The following NBEA variants were observed in gnomAD, a reference collection of about 807,000 sequenced individuals.
NBEA encodes lysosomal-trafficking regulator 2.
Under a neutral mutation model 343.4 loss-of-function variants are expected in NBEA, and 44 were observed. The observed-to-expected ratio is 0.13, with a 90% confidence interval of 0.10 to 0.16. The LOEUF (loss-of-function observed/expected upper bound fraction) is 0.16. Ranked by LOEUF, NBEA falls within the 10% of genes least tolerant of loss-of-function variation. NBEA has a pLI of 1.00. For synonymous variants in NBEA, 1,175 were observed against 1,238.7 expected (o/e 0.95, Z 1.08); for missense variants, 2,555 against 3,631.3 (o/e 0.70, Z 7.62).
rs530442539 is a variant in NBEA at position 35,347,310 on chromosome 13, CA to C, written c.5904-1790del. 1.9e-3 allele frequency among the ~76,000 whole-genome samples: 287 copies of C among 150,044 alleles called. 1 individual carries two copies. The highest frequency in any genetic ancestry group is 5.4e-3 in the African/African-American group (221 of 40,902). On this transcript the variant is annotated intron_variant, in intron 36 of 58. Transcript: ENST00000379939. ...TGATTTATATTTATGAAAACTTGAG[CA>C]AAAAAAAGTTGATATATTTCATTAA...
intron 33 of NBEA, among the ~76,000 whole-genome samples, chr13:35,229,007 C>G (rs1030483502): frequency 6.6e-6 from 1 of 152,016 alleles, no homozygotes; most frequent in African/African-American, 2.4e-5. Flanking sequence ...CATAAAATGT[C>G]TTAGACTAAA....
At chr13:34,996,546 T>C (rs17051794) in intron 1 of NBEA, among the ~76,000 whole-genome samples, 2,398 of 152,186 alleles carry the variant, frequency 0.016, 65 homozygotes, top group African/African-American at 0.049. Context: ...TTTTTAGAAG[T>C]GATTTATAGT....
chr13:35,405,332 G>A (rs1237938059), intron 38 of NBEA, among the ~76,000 whole-genome samples: 1 of 152,116 alleles, frequency 6.6e-6, no homozygotes, highest in African/African-American at 2.4e-5. Flanking sequence ...TGGCAGGGCT[G>A]GGATTTGAAC....
rs181830103 is a variant in NBEA, at chr13:35,489,013, T to A, written c.6585+16477T>A. Reference sequence around the variant, plus strand: ...TATGTCTGTATGGGTGGCAAAAAAATTGCATTAACTTTTTTGTGTTAAAGC... The same window carrying A: ...TATGTCTGTATGGGTGGCAAAAAAAATGCATTAACTTTTTTGTGTTAAAGC... On this transcript the variant is annotated intron_variant, in intron 41 of 58. Coordinates refer to ENST00000379939, the MANE Select transcript of NBEA (RefSeq NM_001385012.1). Among the ~76,000 whole-genome samples the A allele has an allele frequency of 3.9e-5, 6 of 151,900 alleles. 1 individual carries two copies. The highest frequency in any genetic ancestry group is 3.9e-4 in the Admixed American group (6 of 15,222).
intron 34 of NBEA, among the ~76,000 whole-genome samples, chr13:35,265,784 A>G (rs1038309873): frequency 6.6e-5 from 10 of 151,938 alleles, no homozygotes; most frequent in African/African-American, 2.4e-4. Context: ...AGAAATCTCC[A>G]TGACATTGGT....
intron 40 of NBEA, among the ~76,000 whole-genome samples, chr13:35,468,487 C>T (rs1354530225): frequency 6.6e-6 from 1 of 152,180 alleles, no homozygotes; most frequent in Non-Finnish European, 1.5e-5. Context: ...TCTTCCTTCC[C>T]TCTAGATAAG....
intron 41 of NBEA, among the ~76,000 whole-genome samples, chr13:35,496,583 A>G (rs2076685815): frequency 6.7e-6 from 1 of 149,164 alleles, no homozygotes; most frequent in African/African-American, 2.5e-5. Flanking sequence ...GCAGTGAGCG[A>G]TATTGTCACC....
At chr13:35,293,678 G>A (rs560842842) in intron 35 of NBEA, among the ~76,000 whole-genome samples, 1 of 152,002 alleles carries the variant, frequency 6.6e-6, no homozygotes, top group Admixed American at 6.6e-5. Context: ...TATTTTTACT[G>A]TATTGTGCTC....
At chr13:35,366,559 A>G (rs944460302) in intron 38 of NBEA, among the ~76,000 whole-genome samples, 2 of 151,206 alleles carry the variant, frequency 1.3e-5, no homozygotes, top group African/African-American at 4.8e-5. Flanking sequence ...TTTATTTTAC[A>G]TTGTGTTTTT....
At chr13:35,476,237 G>C in intron 41 of NBEA, 1 of 1,570,080 alleles carries the variant, frequency 6.4e-7, no homozygotes, top group Non-Finnish European at 8.8e-7. Flanking sequence ...GGAGAAACGG[G>C]CCGCAACACT....
chr13:35,093,375 A>G (rs528443751), intron 10 of NBEA, among the ~76,000 whole-genome samples: 1 of 152,064 alleles, frequency 6.6e-6, no homozygotes, highest in African/African-American at 2.4e-5. Context: ...ATTAACTATT[A>G]AAAGAATAGA....
chr13:35,322,193 C>G (rs954932424), intron 36 of NBEA, among the ~76,000 whole-genome samples: 2 of 152,148 alleles, frequency 1.3e-5, no homozygotes, highest in African/African-American at 2.4e-5. Flanking sequence ...AACGGCTGTC[C>G]AGTTTTGTGC....
intron 33 of NBEA, among the ~76,000 whole-genome samples, chr13:35,212,630 C>A (rs1226988576): frequency 6.6e-6 from 1 of 152,018 alleles, no homozygotes; most frequent in East Asian, 1.9e-4. Context: ...AGTGGTTGTA[C>A]TAGTTTACTA....
At chr13:35,058,469 T>C (rs994683628) in intron 7 of NBEA, among the ~76,000 whole-genome samples, 4 of 152,096 alleles carry the variant, frequency 2.6e-5, no homozygotes, top group African/African-American at 9.7e-5. Flanking sequence ...TGAAAAGTGG[T>C]AAGTCTGAAG....
At chr13:35,506,516 A>G (rs1284839027) in intron 41 of NBEA, among the ~76,000 whole-genome samples, 1 of 152,196 alleles carries the variant, frequency 6.6e-6, no homozygotes, top group African/African-American at 2.4e-5. Context: ...AGTAATTTGA[A>G]ATTCTTACAA....
At chr13:35,381,327 A>G (rs1486581734) in intron 38 of NBEA, among the ~76,000 whole-genome samples, 1 of 152,124 alleles carries the variant, frequency 6.6e-6, no homozygotes, top group East Asian at 1.9e-4. Context: ...TATGCTGTAC[A>G]CTTTGTAAAA....
At chr13:35,476,427 C>A in intron 41 of NBEA, 1 of 954,888 alleles carries the variant, frequency 1.0e-6, no homozygotes, top group South Asian at 1.4e-5. Flanking sequence ...CTGCTTGTCT[C>A]TCTTCCTCTT....
rs933435684 is a variant in NBEA, at chr13:35,110,744, G to A, written c.1834-66G>A. 5.4e-6 allele frequency: 7 copies of A among 1,307,476 alleles called. No individual in the cohort carries two copies. The Admixed American group carries it at 6.3e-5, about 12-fold the overall frequency. 81.0% of individuals were successfully genotyped at this position (1,307,476 alleles called of 1,614,324 possible). A position where few individuals can be genotyped will look rare whatever the true frequency, so the allele number is the denominator to read the frequency against. ...ATTCACATTTAAATTAAAACTGAAT[G>A]TATATAATATGAGCACTTGAGGCAT... On this transcript the variant is annotated intron_variant, in intron 12 of 58. Coordinates refer to ENST00000379939, the MANE Select transcript of NBEA (RefSeq NM_001385012.1).
chr13:35,127,961 T>C (rs566722623), intron 17 of NBEA, among the ~76,000 whole-genome samples: 60 of 151,432 alleles, frequency 4.0e-4, no homozygotes, highest in South Asian at 1.7e-3. Flanking sequence ...AATATCACAA[T>C]TGATCACAGT....
Sources: gnomAD v4.1 joint callset for allele counts (sites outside exome capture counted in the v4.1 genomes callset) on GRCh38, gnomAD v4.1.1 for gene constraint, MANE v1.5 for transcripts, NCBI Gene and HGNC (gene_info 2026-07-23, HGNC 2026-07-21) for gene names.